The following DOCK2 variants were observed in gnomAD, a reference collection of about 807,000 sequenced individuals.
The protein encoded by DOCK2 is dedicator of cytokinesis 2, also known as dedicator of cytokinesis protein 2.
In DOCK2, 87 loss-of-function variants were observed where a neutral mutation model predicts 248.9. The ratio of observed to expected loss-of-function variants is 0.35; its 90% CI spans 0.29 to 0.42. The LOEUF is 0.42. DOCK2 is among the 10% of genes least tolerant of loss of function. The pLI is 1.00. For synonymous variants in DOCK2, 805 were observed against 821.6 expected (o/e 0.98, Z 0.35); for missense variants, 1,747 against 2,300.2 (o/e 0.76, Z 4.92).
At chr5:169,954,489 G>A (rs1776786599) in intron 27 of DOCK2, among the ~76,000 whole-genome samples, 1 of 152,164 alleles carries the variant, frequency 6.6e-6, no homozygotes, top group Non-Finnish European at 1.5e-5. Context: ...AGTCAGGCAG[G>A]GACCAGAAAG....
intron 27 of DOCK2, among the ~76,000 whole-genome samples, chr5:169,950,618 A>G (rs1466318467): frequency 6.6e-6 from 1 of 152,194 alleles, no homozygotes; most frequent in East Asian, 1.9e-4. Context: ...CAGATTTTCT[A>G]TGTGACAGGA....
At chr5:169,653,988 C>A (rs1449698782) in intron 1 of DOCK2, among the ~76,000 whole-genome samples, 1 of 152,368 alleles carries the variant, frequency 6.6e-6, no homozygotes, top group South Asian at 2.1e-4. Flanking sequence ...CTCCTGCTAT[C>A]CTGCTCACCA....
intron 27 of DOCK2, among the ~76,000 whole-genome samples, chr5:169,941,473 T>C (rs1043695247): frequency 2.6e-5 from 4 of 152,092 alleles, no homozygotes; most frequent in Admixed American, 6.5e-5. Flanking sequence ...TAGGCACAGG[T>C]TACTGCAGGT....
intron 27 of DOCK2, among the ~76,000 whole-genome samples, chr5:169,956,774 A>G (rs1229540587): frequency 1.3e-5 from 2 of 152,300 alleles, no homozygotes; most frequent in East Asian, 3.9e-4. Flanking sequence ...TCTCTCACAA[A>G]AAGTTCAAAT....
intron 41 of DOCK2, among the ~76,000 whole-genome samples, chr5:170,051,931 T>A (rs778852786): frequency 5.9e-5 from 9 of 152,128 alleles, no homozygotes; most frequent in Non-Finnish European, 1.2e-4. Flanking sequence ...TATAAGTGGG[T>A]GTCAGTGTGG....
At chr5:169,719,469 G>A (rs917960290) in intron 22 of DOCK2, among the ~76,000 whole-genome samples, 1 of 152,230 alleles carries the variant, frequency 6.6e-6, no homozygotes, top group Non-Finnish European at 1.5e-5. Context: ...GGAAAGTATT[G>A]TCTGGATTCT....
chr5:169,985,383 G>A (rs1275972424), intron 28 of DOCK2, among the ~76,000 whole-genome samples: 1 of 151,264 alleles, frequency 6.6e-6, no homozygotes. Flanking sequence ...GTGTGTGTGT[G>A]TGTGTGTGTG....
intron 27 of DOCK2, among the ~76,000 whole-genome samples, chr5:169,976,013 T>C (rs1232695403): frequency 1.3e-5 from 2 of 152,166 alleles, no homozygotes; most frequent in African/African-American, 4.8e-5. Flanking sequence ...ATTTCTGGCC[T>C]CTCCTAAGGC....
chr5:169,755,280 T>C (rs1390273448), intron 23 of DOCK2, among the ~76,000 whole-genome samples: 1 of 152,154 alleles, frequency 6.6e-6, no homozygotes, highest in African/African-American at 2.4e-5. Flanking sequence ...TTCATAATCG[T>C]ATTATATGAG....
At chr5:170,025,780 C>T (rs867035318) in intron 33 of DOCK2, among the ~76,000 whole-genome samples, 39 of 129,714 alleles carry the variant, frequency 3.0e-4, no homozygotes, top group Middle Eastern at 4.1e-3. Context: ...CCCTCCCTCC[C>T]TCCTTCCCTC....
At position 169,669,203 on chromosome 5, in the gene DOCK2, T is replaced by TAAAAC. The variant is rs71310047; in HGVS notation, c.128-68_128-64dup. The stretch of plus-strand genomic sequence containing the variant: ...GCAATTTGCAGTAGTTTTACTAGTT[T>TAAAAC]AAAACAAAACAAAACAAAACAGAAA... On this transcript the variant is annotated intron_variant, in intron 2 of 51. Coordinates refer to ENST00000520908, the MANE Select transcript of DOCK2 (RefSeq NM_004946.3). 0.26 allele frequency: 405,212 copies of TAAAAC among 1,534,454 alleles called. 55,755 individuals are homozygous for TAAAAC. The highest frequency in any genetic ancestry group is 0.3 in the Middle Eastern group (1,624 of 5,440).
At chr5:169,903,312 A>T (rs934323020) in intron 27 of DOCK2, among the ~76,000 whole-genome samples, 6 of 26,942 alleles carry the variant, frequency 2.2e-4, no homozygotes, top group Non-Finnish European at 6.4e-4. Context: ...CAACAACAAT[A>T]AAAAAAAAAA....
intron 28 of DOCK2, among the ~76,000 whole-genome samples, chr5:169,984,170 C>A (rs1317237191): frequency 6.6e-6 from 1 of 152,226 alleles, no homozygotes; most frequent in Middle Eastern, 3.4e-3. Context: ...TGCTCAAGGT[C>A]CCGTAGCTAG....
intron 1 of DOCK2, among the ~76,000 whole-genome samples, chr5:169,646,951 G>A (rs1459123016): frequency 1.3e-5 from 2 of 152,184 alleles, no homozygotes; most frequent in African/African-American, 2.4e-5. Flanking sequence ...GTCCTTAGCT[G>A]GGTGTTTGGG....
At chr5:169,976,899 T>G (rs1350061657) in intron 27 of DOCK2, among the ~76,000 whole-genome samples, 1 of 152,222 alleles carries the variant, frequency 6.6e-6, no homozygotes, top group Non-Finnish European at 1.5e-5. Flanking sequence ...TCTGTTTTCC[T>G]GTGATGCTAT....
chr5:169,871,781 G>T (rs747186210), intron 27 of DOCK2, among the ~76,000 whole-genome samples: 1 of 152,208 alleles, frequency 6.6e-6, no homozygotes, highest in Non-Finnish European at 1.5e-5. Context: ...ACCTAAACTA[G>T]GGCTGGGGTG....
intron 22 of DOCK2, among the ~76,000 whole-genome samples, chr5:169,743,064 A>G (rs1011445725): frequency 1.3e-5 from 2 of 152,256 alleles, no homozygotes; most frequent in Admixed American, 1.3e-4. Context: ...GCGCTAAAAA[A>G]GAACCTGGAA....
At chr5:169,783,529 A>G (rs1165505763) in intron 25 of DOCK2, among the ~76,000 whole-genome samples, 1 of 152,160 alleles carries the variant, frequency 6.6e-6, no homozygotes, top group Non-Finnish European at 1.5e-5. Context: ...TGCTAGATAA[A>G]TGATAGTTTG....
At chr5:169,676,437 T>C (rs1047127837) in intron 6 of DOCK2, among the ~76,000 whole-genome samples, 2 of 152,200 alleles carry the variant, frequency 1.3e-5, no homozygotes, top group Non-Finnish European at 2.9e-5. Flanking sequence ...CTCTGACCTA[T>C]AGCCCTGTGC....
Sources: gnomAD v4.1 joint callset for allele counts (sites outside exome capture counted in the v4.1 genomes callset) on GRCh38, gnomAD v4.1.1 for gene constraint, MANE v1.5 for transcripts, NCBI Gene and HGNC (gene_info 2026-07-23, HGNC 2026-07-21) for gene names.